APTX: variants seen among roughly 807,000 people sequenced by gnomAD.
APTX encodes forkhead-associated domain histidine triad-like protein.
APTX carries 33 observed loss-of-function variants against 42.3 expected under a neutral mutation model. The ratio of observed to expected loss-of-function variants is 0.78; its 90% CI spans 0.59 to 1.04. The LOEUF is 1.04. Ranked by LOEUF, APTX falls within the 50% of genes least tolerant of loss-of-function variation. APTX has a pLI of 0.00. For synonymous variants in APTX, 130 were observed against 146.7 expected, an observed-to-expected ratio of 0.89 and a Z score of 0.82; for missense variants, 421 against 415.1, an observed-to-expected ratio of 1.01 and a Z score of -0.12.
intron 4 of APTX, chr9:32,986,273 G>A (rs997834447): frequency 3.2e-5 from 19 of 599,536 alleles, no homozygotes; most frequent in Middle Eastern, 4.4e-4. Context: ...GGAGTGCAGC[G>A]GCGTGATCAC....
intron 1 of APTX, among the ~76,000 whole-genome samples, chr9:33,020,906 G>A (rs774337927): frequency 6.6e-6 from 1 of 152,018 alleles, no homozygotes; most frequent in Non-Finnish European, 1.5e-5. Flanking sequence ...GAGGCGGGCA[G>A]ATCACCTGAG....
chr9:33,024,140 A>G (rs759523081), intron 1 of APTX, among the ~76,000 whole-genome samples: 4 of 152,194 alleles, frequency 2.6e-5, no homozygotes, highest in African/African-American at 9.7e-5. Flanking sequence ...GCTTCTCACT[A>G]AAGTCTAACT....
rs1425684350 is a variant in APTX at position 32,973,147 on chromosome 9, TAAGA to T, written c.*347_*350del. ...TGCCTACAGAGGCGGAGGATAAATC[TAAGA>T]AACAGAAATGTATAACCAGCCCAAT... is the stretch of plus-strand genomic sequence containing the variant. On this transcript the variant is annotated 3_prime_UTR_variant, in exon 8 of 8. Transcript: ENST00000379817. The T allele has an allele frequency of 2.1e-6, 1 of 468,536 alleles. No individual in the cohort carries two copies. The highest frequency in any genetic ancestry group is 1.5e-5 in the South Asian group (1 of 64,616). 29.0% of individuals were successfully genotyped at this position (468,536 alleles called of 1,614,324 possible).
upstream of APTX, among the ~76,000 whole-genome samples, chr9:33,003,382 T>C (rs1002437485): frequency 3.3e-5 from 5 of 152,172 alleles, no homozygotes; most frequent in South Asian, 2.1e-4. Flanking sequence ...CTTTTTCATC[T>C]TGAAAAACTG....
upstream of APTX, chr9:33,001,667 G>T (rs79649832): frequency 1.9e-6 from 3 of 1,599,368 alleles, no homozygotes; most frequent in South Asian, 1.1e-5. Context: ...CGCGACCAGT[G>T]ACGTCACCAG....
intron 1 of APTX, among the ~76,000 whole-genome samples, chr9:33,006,925 A>G (rs977800259): frequency 1.4e-5 from 2 of 145,046 alleles, no homozygotes; most frequent in Non-Finnish European, 1.5e-5. Context: ...GTGTGAACCC[A>G]GGAGGCGGAG....
intron 1 of APTX, among the ~76,000 whole-genome samples, chr9:33,012,311 A>T (rs953927283): frequency 3.9e-5 from 6 of 152,116 alleles, no homozygotes; most frequent in African/African-American, 1.4e-4. Context: ...AGAACGCAAA[A>T]TTTTTTAGAA....
At chr9:33,012,587 TGAA>T (rs1564002772) in intron 1 of APTX, among the ~76,000 whole-genome samples, 3 of 152,064 alleles carry the variant, frequency 2.0e-5, no homozygotes, top group African/African-American at 7.2e-5. Context: ...CTTAGCCACA[TGAA>T]GGAGAGGTCC....
At chr9:32,978,346 T>C (rs1829940626) in intron 6 of APTX, among the ~76,000 whole-genome samples, 1 of 152,256 alleles carries the variant, frequency 6.6e-6, no homozygotes, top group African/African-American at 2.4e-5. Context: ...AATTTCTTTA[T>C]AGCCAGGTCT....
rs1563970063 is a variant in APTX at position 32,988,686 on chromosome 9, G to GGAAA, written c.134-558_134-557insTTTC. On this transcript the variant is annotated intron_variant, in intron 2 of 7. Coordinates refer to ENST00000379817, the MANE Select transcript of APTX (RefSeq NM_001195248.2). ...ACAGAGTGAGACCCTATCTCAGGAGGAAAAAAAAAAAAAAAAAAAAAAAAA... is the reference window on the plus strand; with the variant it reads ...ACAGAGTGAGACCCTATCTCAGGAGGGAAAAAAAAAAAAAAAAAAAAAAAAAAAA... Among the ~76,000 whole-genome samples, 2 of 70,888 alleles carry GGAAA rather than the reference G, an allele frequency of 2.8e-5. 1 individual carries two copies. 46.5% of individuals were successfully genotyped at this position (70,888 alleles called of 152,430 possible). A position where few individuals can be genotyped will look rare whatever the true frequency, so the allele number is the denominator to read the frequency against.
chr9:32,996,120 ATAG>A (rs924616538), intron 1 of APTX, among the ~76,000 whole-genome samples: 2 of 152,216 alleles, frequency 1.3e-5, no homozygotes, highest in African/African-American at 4.8e-5. Context: ...AGACTACAGT[ATAG>A]TATAAACATA....
chr9:32,986,061 A>AAAAAAAAAAAAAAAAAAAAAAAT, intron 4 of APTX, 31 bp from the exon 5 acceptor site: 1 of 1,484,752 alleles, frequency 6.7e-7, no homozygotes, highest in East Asian at 2.3e-5. Flanking sequence ...AAAACAAAAA[A>AAAAAAAAAAAAAAAAAAAAAAAT]AAAAAAAAAC....
intron 6 of APTX, among the ~76,000 whole-genome samples, chr9:32,977,700 G>A (rs1352659850): frequency 6.6e-6 from 1 of 151,786 alleles, no homozygotes; most frequent in Admixed American, 6.6e-5. Flanking sequence ...GCGTGGTGGC[G>A]CATGCCTGTA....
intron 3 of APTX, 33 bp from the exon 4 acceptor site, chr9:32,987,879 T>C (rs770901560): frequency 1.9e-6 from 3 of 1,608,426 alleles, no homozygotes. Flanking sequence ...ATAATTATAA[T>C]AATAGCAACA....
intron 1 of APTX, among the ~76,000 whole-genome samples, chr9:32,999,798 AC>A (rs1364807554): frequency 2.0e-5 from 3 of 151,958 alleles, no homozygotes; most frequent in Non-Finnish European, 4.4e-5. Flanking sequence ...ACACGGTGAA[AC>A]CCCGTCTCTA....
intron 1 of APTX, chr9:33,001,200 G>T: frequency 1.1e-6 from 1 of 918,686 alleles, no homozygotes; most frequent in East Asian, 5.2e-5. Flanking sequence ...TGCTGCTAAG[G>T]TCCCTCAAGT....
In APTX at chr9:32,984,639, C is replaced by T. The variant is rs571475924; in HGVS notation, c.762G>A (p.Pro254=). The T allele has an allele frequency of 4.9e-4, 784 of 1,614,184 alleles. 8 individuals carry two copies. The South Asian group carries it at 6.5e-3, about 13-fold the overall frequency. ...LRFRLGYHAI[P]SMSHVHLHVI... Reference sequence around the variant, plus strand: ...CTACCCACCTGGCTTACCTCATACTCGGAATGGCGTGGTAGCCCAATCGGA... The same window carrying T: ...CTACCCACCTGGCTTACCTCATACTTGGAATGGCGTGGTAGCCCAATCGGA... Residue 254 remains proline, a synonymous_variant, in exon 6 of 8, where the codon CCG becomes CCA. Coordinates refer to ENST00000379817, the MANE Select transcript of APTX (RefSeq NM_001195248.2).
chr9:32,989,923 G>A (rs557305038), intron 1 of APTX, 28 bp from the exon 2 acceptor site: 1 of 1,608,042 alleles, frequency 6.2e-7, no homozygotes, highest in East Asian at 2.2e-5. Context: ...AGAATCACTA[G>A]AAAAACAGAT....
chr9:32,985,711 A>G (rs547285745), intron 5 of APTX, among the ~76,000 whole-genome samples: 1 of 152,224 alleles, frequency 6.6e-6, no homozygotes, highest in East Asian at 1.9e-4. Flanking sequence ...GGTTAATGCA[A>G]CTTCCCTTAA....
Sources: allele counts gnomAD v4.1 joint callset (sites outside exome capture counted in the v4.1 genomes callset), GRCh38; gene constraint gnomAD v4.1.1; transcripts MANE v1.5; gene names NCBI Gene and HGNC (gene_info 2026-07-23, HGNC 2026-07-21).